PARP4: variants seen among roughly 807,000 people sequenced by gnomAD.
The protein encoded by PARP4 is poly(ADP-ribose) polymerase family member 4.
Under a neutral mutation model 187.7 loss-of-function variants are expected in PARP4, and 120 were observed. The ratio of observed to expected loss-of-function variants is 0.64; its 90% CI spans 0.55 to 0.74. The LOEUF is 0.74. Among genes scored for constraint, PARP4 ranks in the 30% least tolerant of loss-of-function variants. The probability of loss-of-function intolerance (pLI) is 0.00; values close to 1 mark genes in which losing one functional copy is unlikely to be tolerated. For synonymous variants in PARP4, 654 were observed against 740.9 expected, an observed-to-expected ratio of 0.88 and a Z score of 1.90; for missense variants, 1,836 against 2,070.5, an observed-to-expected ratio of 0.89 and a Z score of 2.20.
At chr13:24,486,098 A>G in intron 11 of PARP4, 70 bp downstream of exon 11, 1 of 1,421,872 alleles carries the variant, frequency 7.0e-7, no homozygotes, top group Non-Finnish European at 9.6e-7. Flanking sequence ...AAAAAGTAGG[A>G]AAAAAAGAAG....
At chr13:24,428,401 C>T (rs1250221603) in intron 32 of PARP4, among the ~76,000 whole-genome samples, 2 of 152,208 alleles carry the variant, frequency 1.3e-5, no homozygotes, top group Non-Finnish European at 2.9e-5. Flanking sequence ...CATCCAGAGC[C>T]AGGCTTTAAA....
intron 27 of PARP4, among the ~76,000 whole-genome samples, chr13:24,444,592 T>C (rs1871117394): frequency 6.6e-6 from 1 of 152,180 alleles, no homozygotes; most frequent in African/African-American, 2.4e-5. Flanking sequence ...CTAGGAACTT[T>C]CAAGGCTAAA....
intron 15 of PARP4, among the ~76,000 whole-genome samples, chr13:24,472,139 T>G (rs1872751617): frequency 6.6e-6 from 1 of 150,862 alleles, no homozygotes; most frequent in African/African-American, 2.4e-5. Context: ...GGCCTCAGCT[T>G]CTTCTTCCAA....
At chr13:24,494,526 A>G (rs1185031132) in intron 7 of PARP4, 47 bp downstream of exon 7, 4 of 1,510,878 alleles carry the variant, frequency 2.6e-6, no homozygotes, top group East Asian at 2.3e-5. Context: ...AAACATTTCT[A>G]TTAAAAATAT....
chr13:24,471,605 C>A (rs535822205), intron 15 of PARP4, among the ~76,000 whole-genome samples: 1 of 152,274 alleles, frequency 6.6e-6, no homozygotes, highest in Non-Finnish European at 1.5e-5. Context: ...AGAATCTACA[C>A]CCCAGCCTCT....
At chr13:24,460,971 A>G (rs1872191302) in intron 17 of PARP4, among the ~76,000 whole-genome samples, 1 of 152,168 alleles carries the variant, frequency 6.6e-6, no homozygotes, top group African/African-American at 2.4e-5. Context: ...CCAGCCTATC[A>G]TGTTATTTTT....
intron 30 of PARP4, among the ~76,000 whole-genome samples, chr13:24,436,802 GCCTGTAATTTTA>G (rs1354754011): frequency 7.2e-5 from 11 of 152,028 alleles, no homozygotes; most frequent in Admixed American, 6.6e-4. Flanking sequence ...GAAATAATTA[GCCTGTAATTTTA>G]CCTGTGAATA....
intron 15 of PARP4, among the ~76,000 whole-genome samples, chr13:24,471,705 A>G (rs1872734800): frequency 6.6e-6 from 1 of 152,192 alleles, no homozygotes; most frequent in African/African-American, 2.4e-5. Context: ...TTTTGGGGCA[A>G]ACTTCCCCAG....
At chr13:24,457,174 GTATAT>G (rs1871902275) in intron 20 of PARP4, among the ~76,000 whole-genome samples, 1 of 152,020 alleles carries the variant, frequency 6.6e-6, no homozygotes, top group Admixed American at 6.6e-5. Context: ...TAACTTATTT[GTATAT>G]TATATTTTCA....
chr13:24,453,979 G>A (rs935746608), intron 22 of PARP4, among the ~76,000 whole-genome samples: 1 of 152,032 alleles, frequency 6.6e-6, no homozygotes, highest in Admixed American at 6.6e-5. Context: ...AGCTGGGTGT[G>A]GTGGTGAGCA....
chr13:24,435,500 G>C (rs377675221), intron 30 of PARP4, 26 bp from the exon 31 acceptor site: 1 of 1,540,192 alleles, frequency 6.5e-7, no homozygotes, highest in African/African-American at 1.4e-5. Flanking sequence ...AATTATTAAC[G>C]TAAGGGGAAA....
At chr13:24,431,296 C>A in intron 32 of PARP4, 81 bp downstream of exon 32, 2 of 774,106 alleles carry the variant, frequency 2.6e-6, no homozygotes, top group Non-Finnish European at 4.3e-6. Context: ...CACTAGCTTA[C>A]AAAACAGTTT....
chr13:24,485,684 T>C (rs1463984909), intron 11 of PARP4, among the ~76,000 whole-genome samples: 1 of 152,214 alleles, frequency 6.6e-6, no homozygotes, highest in Admixed American at 6.5e-5. Context: ...ACAACTCATG[T>C]TGTCTGATGC....
intron 17 of PARP4, among the ~76,000 whole-genome samples, chr13:24,463,833 A>G (rs1395170832): frequency 6.6e-6 from 1 of 152,182 alleles, no homozygotes; most frequent in Admixed American, 6.6e-5. Flanking sequence ...AGGTTATTTG[A>G]ATAGGAAGAG....
At position 24,500,312 on chromosome 13, in the gene PARP4, T is replaced by C. The variant is rs1179726986; in HGVS notation, c.401+4A>G. The stretch of plus-strand genomic sequence containing the variant: ...GTCCCAGGAATCAGAAAGAAGTAAA[T>C]TACTCAGTGAGTTCCACAGTGTCTT... On this transcript the variant is annotated splice_donor_region_variant and intron_variant, in intron 4 of 33. Transcript: ENST00000381989. The C allele has an allele frequency of 6.4e-7, 1 of 1,561,372 alleles. No homozygotes were observed. Among genetic ancestry groups the C allele is most frequent in the South Asian group, 1.2e-5 (1 of 86,422 alleles).
chr13:24,480,556 A>G (rs1376092135), intron 12 of PARP4, among the ~76,000 whole-genome samples: 2 of 152,256 alleles, frequency 1.3e-5, no homozygotes, highest in Non-Finnish European at 2.9e-5. Context: ...GGAAATTAAA[A>G]GTGCTGCTCC....
chr13:24,473,609 T>C (rs1394836284), intron 15 of PARP4, among the ~76,000 whole-genome samples: 1 of 152,152 alleles, frequency 6.6e-6, no homozygotes, highest in Non-Finnish European at 1.5e-5. Flanking sequence ...GTTTCTTGCA[T>C]CTTAAAATGA....
intron 1 of PARP4, among the ~76,000 whole-genome samples, chr13:24,508,080 C>T (rs1869805917): frequency 6.6e-6 from 1 of 152,084 alleles, no homozygotes; most frequent in Admixed American, 6.5e-5. Context: ...AGCATCTGTG[C>T]ATAGATAGGA....
In PARP4 at chr13:24,498,136, G is replaced by C; in HGVS notation, c.571C>G (p.Leu191Val). The part of the protein sequence containing the change: ...DCPFLISSHF[L>V]LDDGMETRRQ... The stretch of plus-strand genomic sequence containing the variant: ...ATTACCTCCATGCCATCATCCAGGA[G>C]GAAGTGTGAGGATATCAGGAAAGGA... The change falls in exon 6 of 34, where the codon CTC becomes GTC. Residue 191 changes from leucine (L) to valine (V), a missense_variant. Leu to Val is a conservative substitution (Grantham distance 32, BLOSUM62 1). Transcript: ENST00000381989. 1 of 1,612,116 alleles carries C rather than the reference G, an allele frequency of 6.2e-7. No homozygotes were observed. The highest frequency in any genetic ancestry group is 8.5e-7 in the Non-Finnish European group (1 of 1,178,202).
Sources: gnomAD v4.1 joint callset for allele counts (sites outside exome capture counted in the v4.1 genomes callset) on GRCh38, gnomAD v4.1.1 for gene constraint, MANE v1.5 for transcripts, NCBI Gene and HGNC (gene_info 2026-07-23, HGNC 2026-07-21) for gene names.